Variants in CTU2 observed in about 807,000 individuals in gnomAD.
CTU2 encodes the protein cytosolic thiouridylase subunit 2, also known as cytoplasmic tRNA 2-thiolation protein 2.
In CTU2, 80 loss-of-function variants were observed where a neutral mutation model predicts 64.1. The ratio of observed to expected loss-of-function variants is 1.25; its 90% confidence interval spans 1.04 to 1.50. The LOEUF (loss-of-function observed/expected upper bound fraction) is 1.50. CTU2 is among the 40% of genes most tolerant of loss of function. The probability of loss-of-function intolerance (pLI) is 0.00; values close to 1 mark genes in which losing one functional copy is unlikely to be tolerated. For synonymous variants in CTU2, 482 were observed against 285.3 expected (o/e 1.69, Z -6.95); for missense variants, 1,110 against 690.2 (o/e 1.61, Z -6.81).
intron 6 of CTU2, 112 bp downstream of exon 6, chr16:88,712,495 G>T (rs1002869082): frequency 6.9e-7 from 1 of 1,450,534 alleles, no homozygotes; most frequent in African/African-American, 1.4e-5. Context: ...GCTGTCGGTG[G>T]GGGGTGGGAG....
chr16:88,707,485 C>T (rs11641365), intron 2 of CTU2, among the ~76,000 whole-genome samples: 117,999 of 151,950 alleles, frequency 0.78, 45,861 homozygotes, highest in East Asian at 0.88. Context: ...GGTGTCTAGA[C>T]TGGGATAAGC....
intron 5 of CTU2, chr16:88,712,008 G>C (rs1215741059): frequency 1.7e-6 from 1 of 591,848 alleles, no homozygotes; most frequent in Non-Finnish European, 3.0e-6. Flanking sequence ...CAAGTTAAGT[G>C]CTGATGGTGA....
chr16:88,714,549 A>G (rs755270115), intron 11 of CTU2, 38 bp from the exon 12 acceptor site: 18 of 1,611,894 alleles, frequency 1.1e-5, no homozygotes, highest in Non-Finnish European at 1.5e-5. Context: ...GTGGGGGCTC[A>G]GCAGCCCCAG....
chr16:88,711,422 G>T (rs1911310834), intron 4 of CTU2, among the ~76,000 whole-genome samples: 3 of 152,220 alleles, frequency 2.0e-5, no homozygotes, highest in African/African-American at 7.2e-5. Context: ...AAGACCCCCA[G>T]GCTACCCTTT....
Position 88,710,239 on chromosome 16 carries a change from C to T in CTU2, c.239C>T (p.Ser80Phe). ...CTCCCCCAGGTGCTCTTGGCGTGGT[C>T]TGGGGGGCCTTCGTCCAGCTCCATG... is the stretch of plus-strand genomic sequence containing the variant. ...FPGEKVLLAW[S>F]GGPSSSSMVW... Residue 80 changes from serine (S) to phenylalanine (F), a missense_variant, in exon 4 of 15, where the codon TCT becomes TTT. Coordinates refer to ENST00000453996, the MANE Select transcript of CTU2 (RefSeq NM_001012759.3). The T allele has an allele frequency of 6.2e-7, 1 of 1,614,042 alleles. No individual in the cohort carries two copies. Among genetic ancestry groups the T allele is most frequent in the African/African-American group, 1.3e-5 (1 of 75,036 alleles).
In CTU2 at chr16:88,715,002, G is replaced by A. The variant is rs755237337; in HGVS notation, c.1420-46G>A. On this transcript the variant is annotated intron_variant, in intron 13 of 14. Coordinates refer to ENST00000453996, the MANE Select transcript of CTU2 (RefSeq NM_001012759.3). ...CGTCACCTCGTGGGTGGCTTGAGGGGGTGCTGGCAGGTTTCTTGGCCCCTC... is the reference window on the plus strand; with the variant it reads ...CGTCACCTCGTGGGTGGCTTGAGGGAGTGCTGGCAGGTTTCTTGGCCCCTC... 75 of 1,591,114 alleles carry A rather than the reference G, an allele frequency of 4.7e-5. No individual in the cohort carries two copies. The South Asian group carries it at 8.0e-4, about 17-fold the overall frequency.
At chr16:88,714,557 C>A in intron 11 of CTU2, 30 bp from the exon 12 acceptor site, 2 of 1,612,620 alleles carry the variant, frequency 1.2e-6, no homozygotes, top group Non-Finnish European at 1.7e-6. Flanking sequence ...TCAGCAGCCC[C>A]AGGCTCCGTC....
chr16:88,708,320 T>A (rs927054523), intron 2 of CTU2, among the ~76,000 whole-genome samples: 15 of 152,066 alleles, frequency 9.9e-5, no homozygotes, highest in African/African-American at 2.7e-4. Context: ...CGAGCTGGGA[T>A]CCCCAGGGAT....
In CTU2 at chr16:88,712,541, C is replaced by T. The variant is rs115619610; in HGVS notation, c.454-81C>T. 1.3e-3 allele frequency: 1,999 copies of T among 1,543,932 alleles called. 27 individuals are homozygous for T. The African/African-American group carries it at 0.024, about 19-fold the overall frequency. On this transcript the variant is annotated intron_variant, in intron 6 of 14. Coordinates refer to ENST00000453996, the MANE Select transcript of CTU2 (RefSeq NM_001012759.3). ...GTGCCCCAGCCTCACTGCCGTCTCCCGCATCCCGGAAGGTGGGGCTGTCTG... is the reference window on the plus strand; with the variant it reads ...GTGCCCCAGCCTCACTGCCGTCTCCTGCATCCCGGAAGGTGGGGCTGTCTG...
At chr16:88,714,954 C>T (rs375390638) in intron 13 of CTU2, 28 bp downstream of exon 13, 120 of 1,608,698 alleles carry the variant, frequency 7.5e-5, no homozygotes, top group Admixed American at 1.0e-4. Context: ...TGTCCTGGGC[C>T]GGGCTTGGGG....
chr16:88,713,309 T>G lies in CTU2; in HGVS notation c.738-3T>G. Reference sequence around the variant, plus strand: ...CAGGCCCCTGAGACGCTCTGTGCTTTAGGACCCACCTGATCCTCCACATGG... The same window carrying G: ...CAGGCCCCTGAGACGCTCTGTGCTTGAGGACCCACCTGATCCTCCACATGG... On this transcript the variant is annotated splice_region_variant and splice_polypyrimidine_tract_variant and intron_variant, in intron 7 of 14. Transcript: ENST00000453996. 6.6e-7 allele frequency: 1 copy of G among 1,512,090 alleles called. No individual in the cohort carries two copies. Among genetic ancestry groups the G allele is most frequent in the Non-Finnish European group, 8.9e-7 (1 of 1,121,608 alleles). The allele number at this position is 1,512,090 out of a possible 1,614,324, so 93.7% of individuals were successfully genotyped here. A position where few individuals can be genotyped will look rare whatever the true frequency, so the allele number is the denominator to read the frequency against.
At chr16:88,711,152 G>A (rs919186261) in intron 4 of CTU2, among the ~76,000 whole-genome samples, 2 of 152,182 alleles carry the variant, frequency 1.3e-5, no homozygotes, top group Admixed American at 1.3e-4. Context: ...GTTTTCTGAG[G>A]TCCCCTGAAC....
chr16:88,713,313 A>G lies in CTU2; in HGVS notation c.739A>G (p.Thr247Ala), dbSNP rs1318962002. ...CCCCTGAGACGCTCTGTGCTTTAGG[A>G]CCCACCTGATCCTCCACATGGCCCG... ...AKEELLQTLR[T>A]HLILHMARAH... The change falls in exon 8 of 15, where the codon ACC (threonine) becomes GCC (alanine). Residue 247 changes from threonine (T) to alanine (A), a missense_variant and splice_region_variant. Physicochemically the swap from Thr to Ala is moderately conservative, Grantham distance 58 (BLOSUM62 0). Coordinates refer to ENST00000453996, the MANE Select transcript of CTU2 (RefSeq NM_001012759.3). 4 of 1,520,322 alleles carry G rather than the reference A, an allele frequency of 2.6e-6. No homozygotes were observed. The South Asian group carries it at 4.5e-5, about 17-fold the overall frequency. The allele number at this position is 1,520,322 out of a possible 1,614,324, so 94.2% of individuals were successfully genotyped here.
In CTU2 at chr16:88,714,633, G is replaced by C. The variant is rs1226676354; in HGVS notation, c.1248G>C (p.Gln416His). ...CTCAGACCTCCTCGCGTCTCTCCCA[G>C]ATGCAGTCACCCATCCCCCTGACTG... ...FGAQTSSRLS[Q>H]MQSPIPLTET... The change falls in exon 12 of 15, where the codon CAG becomes CAC. Residue 416 changes from glutamine (Q) to histidine (H), a missense_variant. Gln to His is a conservative substitution (Grantham distance 24). Coordinates refer to ENST00000453996, the MANE Select transcript of CTU2 (RefSeq NM_001012759.3). 2 of 1,612,594 alleles carry C rather than the reference G, an allele frequency of 1.2e-6. No homozygotes were observed. The highest frequency in any genetic ancestry group is 1.7e-6 in the Non-Finnish European group (2 of 1,179,868).
chr16:88,714,686 G>A lies in CTU2; in HGVS notation c.1301G>A (p.Cys434Tyr). The change falls in exon 12 of 15, where the codon TGT (cysteine) becomes TAT (tyrosine). Residue 434 changes from cysteine (C) to tyrosine (Y), a missense_variant. Cys to Tyr is a radical substitution (Grantham distance 194). Transcript: ENST00000453996. ...ACCCGGACACCCCCGGGGCCCTGCTGTTCTCCAGGGGTGGGCTGGGCCCAG... is the reference window on the plus strand; with the variant it reads ...ACCCGGACACCCCCGGGGCCCTGCTATTCTCCAGGGGTGGGCTGGGCCCAG... ...TETRTPPGPC[C>Y]SPGVGWAQRC... 3 of 1,612,148 alleles carry A rather than the reference G, an allele frequency of 1.9e-6. No individual in the cohort carries two copies. Among genetic ancestry groups the A allele is most frequent in the African/African-American group, 2.7e-5 (2 of 75,030 alleles).
At chr16:88,707,744 C>A (rs1910994936) in intron 2 of CTU2, among the ~76,000 whole-genome samples, 1 of 152,084 alleles carries the variant, frequency 6.6e-6, no homozygotes, top group African/African-American at 2.4e-5. Flanking sequence ...GAAGGGAGGA[C>A]CAGGTCTCTC....
At chr16:88,713,512 G>T in intron 8 of CTU2, 65 bp downstream of exon 8, 4 of 1,540,586 alleles carry the variant, frequency 2.6e-6, no homozygotes, top group Admixed American at 2.1e-5. Flanking sequence ...CACCTTTACT[G>T]GAGAGTAGCC....
chr16:88,715,275 C>G lies in CTU2; in HGVS notation c.*24C>G, dbSNP rs924941879. ...GAGCGTGAGGACGTGCTTGCCGGGACAGCAGGCAGTGGCCACCTGGTACAC... is the reference window on the plus strand; with the variant it reads ...GAGCGTGAGGACGTGCTTGCCGGGAGAGCAGGCAGTGGCCACCTGGTACAC... On this transcript the variant is annotated 3_prime_UTR_variant, in exon 15 of 15. Transcript: ENST00000453996. The G allele has an allele frequency of 1.9e-6, 3 of 1,607,152 alleles. No individual in the cohort carries two copies. The highest frequency in any genetic ancestry group is 1.7e-5 in the Admixed American group (1 of 59,758).
rs1567650647 is a variant in CTU2 at position 88,713,453 on chromosome 16, CAGGG to C, written c.873+7_873+10del. On this transcript the variant is annotated splice_region_variant and intron_variant, in intron 8 of 14. Transcript: ENST00000453996. ...CCTTCCTGGCCTGGGATACGGTAGGCAGGGGCCTGGGTGTTCAGGAGGCCCATCC... is the reference window on the plus strand; with the variant it reads ...CCTTCCTGGCCTGGGATACGGTAGGCGCCTGGGTGTTCAGGAGGCCCATCC... 4 of 1,573,880 alleles carry C rather than the reference CAGGG, an allele frequency of 2.5e-6. No homozygotes were observed. The highest frequency in any genetic ancestry group is 3.4e-6 in the Non-Finnish European group (4 of 1,166,682).
Sources: gnomAD v4.1 joint callset for allele counts (sites outside exome capture counted in the v4.1 genomes callset) on GRCh38, gnomAD v4.1.1 for gene constraint, MANE v1.5 for transcripts, NCBI Gene and HGNC (gene_info 2026-07-23, HGNC 2026-07-21) for gene names.